The following PIK3R3 variants were observed in gnomAD, a reference collection of about 807,000 sequenced individuals.
The protein encoded by PIK3R3 is phosphatidylinositol 3-kinase regulatory subunit gamma.
PIK3R3 carries 64 observed loss-of-function variants against 62.9 expected under a neutral mutation model. That is an observed-to-expected ratio of 1.02 (90% CI 0.83 to 1.25). The LOEUF (loss-of-function observed/expected upper bound fraction) is 1.25, where lower values mean the gene tolerates loss of function less well. Among genes scored for constraint, PIK3R3 ranks in the 50% most tolerant of loss-of-function variants. The pLI, the probability that PIK3R3 is intolerant of heterozygous loss-of-function variation, is 0.00. For synonymous variants in PIK3R3, 165 were observed against 189.0 expected (o/e 0.87, Z 1.04); for missense variants, 614 against 561.6 (o/e 1.09, Z -0.94).
At chr1:46,151,912 C>T in the PIK3R3 span, among the ~76,000 whole-genome samples, 1 of 152,174 alleles carries the variant, frequency 6.6e-6, no homozygotes, top group African/African-American at 2.4e-5. Context: ...TCTCCTCCTC[C>T]ATTTTTCATG....
At chr1:46,091,928 TTTG>T (rs1651675706) in intron 1 of PIK3R3, among the ~76,000 whole-genome samples, 1 of 152,242 alleles carries the variant, frequency 6.6e-6, no homozygotes, top group Non-Finnish European at 1.5e-5. Context: ...TTGTATTATT[TTTG>T]TTGTTGTATT....
Position 46,042,702 on chromosome 1 carries a change from CT to C in PIK3R3, c.*970del. The stretch of plus-strand genomic sequence containing the variant: ...GCCATCTAAAAGCACTGCATTGCAC[CT>C]TTTCTTTACTCATACAAACAAGTTA... On this transcript the variant is annotated 3_prime_UTR_variant, in exon 10 of 10. Transcript: ENST00000262741. The surrounding 1 kb of genome is among the most constrained non-coding windows in gnomAD (Gnocchi z 4.3). 9.4e-6 allele frequency: 2 copies of C among 212,516 alleles called. No individual in the cohort carries two copies. The highest frequency in any genetic ancestry group is 1.9e-5 in the Non-Finnish European group (2 of 104,658). The allele number at this position is 212,516 out of a possible 1,614,324, so 13.2% of individuals were successfully genotyped here. A position where few individuals can be genotyped will look rare whatever the true frequency, so the allele number is the denominator to read the frequency against.
intron 1 of PIK3R3, among the ~76,000 whole-genome samples, chr1:46,086,042 A>G (rs1651022265): frequency 6.6e-6 from 1 of 152,188 alleles, no homozygotes; most frequent in Admixed American, 6.5e-5. Flanking sequence ...CGCCTGGCCT[A>G]TATTAACAAG....
chr1:46,171,759 G>C, the PIK3R3 span, among the ~76,000 whole-genome samples: 2 of 152,156 alleles, frequency 1.3e-5, no homozygotes, highest in African/African-American at 2.4e-5. Flanking sequence ...GAGCCACAGA[G>C]GCGAAGAGAG....
intron 1 of PIK3R3, among the ~76,000 whole-genome samples, chr1:46,106,477 G>A (rs969412717): frequency 6.6e-6 from 1 of 151,996 alleles, no homozygotes; most frequent in African/African-American, 2.4e-5. Context: ...TCAATCTTTG[G>A]TTTCAATGGT....
intron 1 of PIK3R3, among the ~76,000 whole-genome samples, chr1:46,127,890 G>C (rs970677219): frequency 6.6e-6 from 1 of 152,158 alleles, no homozygotes; most frequent in African/African-American, 2.4e-5. Flanking sequence ...TGTTTCATCT[G>C]AACAGTTCAG....
At chr1:46,109,030 GC>G (rs1407108605) in intron 1 of PIK3R3, among the ~76,000 whole-genome samples, 2 of 152,076 alleles carry the variant, frequency 1.3e-5, no homozygotes, top group Non-Finnish European at 2.9e-5. Flanking sequence ...ATGGTAGTGA[GC>G]GCCTATAGTC....
At chr1:46,121,621 T>A (rs907043844) in intron 1 of PIK3R3, among the ~76,000 whole-genome samples, 7 of 152,012 alleles carry the variant, frequency 4.6e-5, no homozygotes, top group African/African-American at 1.7e-4. Context: ...CTGGAAAGAC[T>A]CTACCTCTAT....
At chr1:46,051,126 C>CA (rs1330192299) in intron 7 of PIK3R3, among the ~76,000 whole-genome samples, 2 of 151,680 alleles carry the variant, frequency 1.3e-5, no homozygotes, top group Non-Finnish European at 2.9e-5. Context: ...GTGGTGATGA[C>CA]AAAATACCTG....
chr1:46,040,435 A>G lies in PIK3R3; in HGVS notation c.*3238T>C. 4.3e-6 allele frequency: 1 copy of G among 231,156 alleles called. No homozygotes were observed. The highest frequency in any genetic ancestry group is 8.6e-6 in the Non-Finnish European group (1 of 116,612). 14.3% of individuals were successfully genotyped at this position (231,156 alleles called of 1,614,324 possible). On this transcript the variant is annotated 3_prime_UTR_variant, in exon 10 of 10. Coordinates refer to ENST00000262741, the MANE Select transcript of PIK3R3 (RefSeq NM_003629.4). ...TTCTTGGACACATCAAAGACAACAGAATAGATTTTTCACAAGTAACGGCAC... is the reference window on the plus strand; with the variant it reads ...TTCTTGGACACATCAAAGACAACAGGATAGATTTTTCACAAGTAACGGCAC...
intron 3 of PIK3R3, among the ~76,000 whole-genome samples, chr1:46,071,150 T>C (rs1360158821): frequency 6.6e-6 from 1 of 152,078 alleles, no homozygotes; most frequent in African/African-American, 2.4e-5. Context: ...TCCATAACTT[T>C]GATGAAATTA....
At chr1:46,096,713 A>G (rs1460291225) in intron 1 of PIK3R3, among the ~76,000 whole-genome samples, 1 of 151,922 alleles carries the variant, frequency 6.6e-6, no homozygotes, top group Admixed American at 6.6e-5. Context: ...CCTGGCCAAC[A>G]TGGTGAAATC....
the PIK3R3 span, among the ~76,000 whole-genome samples, chr1:46,171,473 G>A: frequency 2.0e-5 from 3 of 152,202 alleles, no homozygotes; most frequent in African/African-American, 7.2e-5. Flanking sequence ...AGGGAGCCCT[G>A]CAGCCTTCCC....
chr1:46,084,521 C>A (rs1174827406), intron 1 of PIK3R3, among the ~76,000 whole-genome samples: 1 of 152,096 alleles, frequency 6.6e-6, no homozygotes, highest in Non-Finnish European at 1.5e-5. Context: ...AGCTAAATAA[C>A]CATCTTGTTT....
chr1:46,066,326 AAT>A (rs762269908), intron 4 of PIK3R3, 147 bp from the exon 5 acceptor site: 1 of 605,528 alleles, frequency 1.7e-6, no homozygotes, highest in Non-Finnish European at 2.9e-6. Context: ...CCACTGTATT[AAT>A]ATCAAGCACA....
the PIK3R3 span, among the ~76,000 whole-genome samples, chr1:46,142,566 C>T: frequency 2.0e-5 from 3 of 151,990 alleles, no homozygotes; most frequent in Non-Finnish European, 2.9e-5. Context: ...AGCGTGGTGG[C>T]GGGCGCCTGT....
At chr1:46,091,331 G>A (rs1322876092) in intron 1 of PIK3R3, among the ~76,000 whole-genome samples, 1 of 151,974 alleles carries the variant, frequency 6.6e-6, no homozygotes, top group Non-Finnish European at 1.5e-5. Flanking sequence ...AGTAAAGACG[G>A]GGTTTCCCCA....
chr1:46,131,511 A>G (rs1014515705), intron 1 of PIK3R3, among the ~76,000 whole-genome samples: 1 of 152,206 alleles, frequency 6.6e-6, no homozygotes, highest in African/African-American at 2.4e-5. Flanking sequence ...TCTTTAATTG[A>G]AAAAGAAAAA....
At chr1:46,139,303 CT>C in the PIK3R3 span, among the ~76,000 whole-genome samples, 489 of 144,308 alleles carry the variant, frequency 3.4e-3, 2 homozygotes, top group African/African-American at 6.6e-3. Flanking sequence ...CCACGTGCTT[CT>C]TTTTTTTTTT....
Sources: allele counts gnomAD v4.1 joint callset (sites outside exome capture counted in the v4.1 genomes callset), GRCh38; gene constraint gnomAD v4.1.1; non-coding constraint Gnocchi (gnomAD v3.1); transcripts MANE v1.5; gene names NCBI Gene and HGNC (gene_info 2026-07-23, HGNC 2026-07-21).